ARHGEF10: variants seen among roughly 807,000 people sequenced by gnomAD.
ARHGEF10 encodes the protein Rho guanine nucleotide exchange factor 10, also known as Rho guanine nucleotide exchange factor (GEF) 10.
Under a neutral mutation model 147.4 loss-of-function variants are expected in ARHGEF10, and 140 were observed. The observed-to-expected ratio is 0.95, with a 90% CI of 0.83 to 1.09. The LOEUF is 1.09. ARHGEF10 is among the 50% of genes least tolerant of loss of function. The probability of loss-of-function intolerance (pLI) is 0.00; values close to 1 mark genes in which losing one functional copy is unlikely to be tolerated. For missense variants in ARHGEF10, 2,222 were observed against 1,752.7 expected (o/e 1.27, Z -4.78); for synonymous variants, 902 against 695.8 (o/e 1.30, Z -4.67).
At chr8:1,946,841 C>T (rs1339159064) in intron 27 of ARHGEF10, among the ~76,000 whole-genome samples, 1 of 152,164 alleles carries the variant, frequency 6.6e-6, no homozygotes, top group Non-Finnish European at 1.5e-5. Flanking sequence ...TCCGTGTCCC[C>T]GCCGCACTCC....
Position 1,894,383 on chromosome 8 carries a change from TTTG to T in ARHGEF10, c.1261-8_1261-6del. The T allele has an allele frequency of 6.2e-7, 1 of 1,614,020 alleles. No individual in the cohort carries two copies. On this transcript the variant is annotated splice_region_variant and splice_polypyrimidine_tract_variant and intron_variant, in intron 12 of 28. Coordinates refer to ENST00000349830, the MANE Select transcript of ARHGEF10 (RefSeq NM_014629.4). The stretch of plus-strand genomic sequence containing the variant: ...AAAAGTCTGAACTGTCTTTGCTCAT[TTTG>T]TCTTAGCAATATGAGAAGCCGCTGT...
rs764267052 is a variant in ARHGEF10, at chr8:1,957,146, G to C, written c.3918G>C (p.Ala1306=). 2 of 1,612,768 alleles carry C rather than the reference G, an allele frequency of 1.2e-6. No individual in the cohort carries two copies. The highest frequency in any genetic ancestry group is 1.7e-6 in the Non-Finnish European group (2 of 1,180,030). Residue 1306 remains alanine, a synonymous_variant, in exon 29 of 29, where the codon GCG becomes GCC. Coordinates refer to ENST00000349830, the MANE Select transcript of ARHGEF10 (RefSeq NM_014629.4). ...RRAKKAKASS[A]LVVCGGQGHR... Reference sequence around the variant, plus strand: ...CCAAGAAAGCCAAGGCCAGCTCGGCGCTGGTGGTCTGTGGAGGGCAGGGCC... The same window carrying C: ...CCAAGAAAGCCAAGGCCAGCTCGGCCCTGGTGGTCTGTGGAGGGCAGGGCC...
chr8:1,844,750 G>C (rs1021794297), intron 2 of ARHGEF10, among the ~76,000 whole-genome samples: 9 of 152,128 alleles, frequency 5.9e-5, no homozygotes, highest in African/African-American at 1.9e-4. Context: ...TGGCATTCAG[G>C]CTCTGCCAGA....
intron 17 of ARHGEF10, 45 bp from the exon 18 acceptor site, chr8:1,909,250 G>A: frequency 6.2e-7 from 1 of 1,613,152 alleles, no homozygotes. Flanking sequence ...ACCATAACGT[G>A]TTCATGTAAT....
In ARHGEF10 at chr8:1,899,153, C is replaced by T. The variant is rs935753370; in HGVS notation, c.1650+628C>T. 2.4e-4 allele frequency among the ~76,000 whole-genome samples: 36 copies of T among 152,142 alleles called. 1 individual carries two copies. The highest frequency in any genetic ancestry group is 7.4e-5 in the Non-Finnish European group (5 of 68,026). Reference sequence around the variant, plus strand: ...TGAGTGCTGACGTGACGTCTCACAGCGGACGGCCTCTAGGTCACGTCTGAT... The same window carrying T: ...TGAGTGCTGACGTGACGTCTCACAGTGGACGGCCTCTAGGTCACGTCTGAT... On this transcript the variant is annotated intron_variant, in intron 15 of 28. Transcript: ENST00000349830.
intron 3 of ARHGEF10, 90 bp from the exon 4 acceptor site, chr8:1,859,807 T>C (rs907894041): frequency 5.6e-5 from 84 of 1,488,772 alleles, no homozygotes; most frequent in Non-Finnish European, 7.1e-5. Context: ...TGGTGGGAGC[T>C]CATACCTGCT....
chr8:1,952,782 G>C lies in ARHGEF10; in HGVS notation c.3475G>C (p.Val1159Leu), dbSNP rs370742932. 6.2e-7 allele frequency: 1 copy of C among 1,613,652 alleles called. No individual in the cohort carries two copies. The highest frequency in any genetic ancestry group is 2.2e-5 in the East Asian group (1 of 44,882). The stretch of plus-strand genomic sequence containing the variant: ...GGTCGGCACCAGCCTGGGAGTCCTC[G>C]TGGCCCTGCCGGTCCCACGTCTGCA... ...LMVGTSLGVL[V>L]ALPVPRLQGI... Residue 1159 changes from valine to leucine, a missense_variant, in exon 28 of 29, where the codon GTG becomes CTG. Coordinates refer to ENST00000349830, the MANE Select transcript of ARHGEF10 (RefSeq NM_014629.4).
At chr8:1,844,174 T>C (rs1804325065) in intron 2 of ARHGEF10, among the ~76,000 whole-genome samples, 1 of 151,974 alleles carries the variant, frequency 6.6e-6, no homozygotes, top group Admixed American at 6.6e-5. Flanking sequence ...GAATTAACTG[T>C]GTGGGCTCCA....
intron 26 of ARHGEF10, among the ~76,000 whole-genome samples, chr8:1,936,205 G>A (rs980803622): frequency 6.6e-6 from 1 of 152,068 alleles, no homozygotes; most frequent in African/African-American, 2.4e-5. Flanking sequence ...CAATAAAATG[G>A]ACCAACTCAT....
At chr8:1,880,354 AC>A (rs776541291) in intron 9 of ARHGEF10, among the ~76,000 whole-genome samples, 190 bp downstream of exon 9, 1 of 152,186 alleles carries the variant, frequency 6.6e-6, no homozygotes, top group Admixed American at 6.5e-5. Context: ...TCTCCCTCTT[AC>A]GGGGAACCCA....
At chr8:1,900,256 G>A (rs867467270) in intron 15 of ARHGEF10, among the ~76,000 whole-genome samples, 5 of 152,132 alleles carry the variant, frequency 3.3e-5, no homozygotes, top group African/African-American at 9.7e-5. Flanking sequence ...TGCTGGAAAC[G>A]GAACAGGACA....
rs561629088 is a variant in ARHGEF10 at position 1,896,418 on chromosome 8, C to T, written c.1526C>T (p.Ala509Val). The T allele has an allele frequency of 3.1e-6, 5 of 1,613,874 alleles. No individual in the cohort carries two copies. Among genetic ancestry groups the T allele is most frequent in the East Asian group, 2.2e-5 (1 of 44,878 alleles). ...TAVAVLKKTC[A>V]TKPAFLEFLK... ...GTGGCAGTCCTCAAGAAAACATGTG[C>T]CACAAAGCCCGCTTTTCTTGAATTT... The change falls in exon 14 of 29, where the codon GCC (alanine) becomes GTC (valine). Residue 509 changes from alanine to valine, a missense_variant. Coordinates refer to ENST00000349830, the MANE Select transcript of ARHGEF10 (RefSeq NM_014629.4).
At chr8:1,942,043 G>T (rs1362438888) in intron 26 of ARHGEF10, among the ~76,000 whole-genome samples, 1 of 152,056 alleles carries the variant, frequency 6.6e-6, no homozygotes. Flanking sequence ...AAATCCTCAT[G>T]ATTTTGGACT....
At chr8:1,836,269 C>T (rs2063045861) in intron 1 of ARHGEF10, among the ~76,000 whole-genome samples, 1 of 152,214 alleles carries the variant, frequency 6.6e-6, no homozygotes, top group Non-Finnish European at 1.5e-5. Flanking sequence ...TGACAGCAAT[C>T]ATGAAACAAA....
intron 18 of ARHGEF10, among the ~76,000 whole-genome samples, chr8:1,913,394 T>C (rs1013839573): frequency 6.6e-6 from 1 of 152,198 alleles, no homozygotes; most frequent in African/African-American, 2.4e-5. Flanking sequence ...ACAACTTGAA[T>C]CTACTTGAAA....
At chr8:1,845,854 T>C (rs1351593097) in intron 2 of ARHGEF10, among the ~76,000 whole-genome samples, 1 of 152,186 alleles carries the variant, frequency 6.6e-6, no homozygotes, top group African/African-American at 2.4e-5. Flanking sequence ...ATGTGGCCTC[T>C]GATGGAGGCA....
chr8:1,874,483 T>C (rs1294787861), intron 7 of ARHGEF10, among the ~76,000 whole-genome samples: 11 of 152,252 alleles, frequency 7.2e-5, no homozygotes, highest in Non-Finnish European at 1.5e-4. Flanking sequence ...GTGAAAACCA[T>C]GTCTGTGTAG....
chr8:1,918,819 T>G (rs1003225072), intron 18 of ARHGEF10, among the ~76,000 whole-genome samples: 8 of 152,152 alleles, frequency 5.3e-5, no homozygotes, highest in Non-Finnish European at 1.2e-4. Flanking sequence ...GCTGCCTCTG[T>G]GGGTGATGGA....
intron 26 of ARHGEF10, among the ~76,000 whole-genome samples, chr8:1,942,766 G>A (rs1814212355): frequency 1.3e-5 from 2 of 152,160 alleles, no homozygotes; most frequent in African/African-American, 2.4e-5. Context: ...AGAAAGGAGT[G>A]AAGCCCCAAC....
Sources: gnomAD v4.1 joint callset for allele counts (sites outside exome capture counted in the v4.1 genomes callset) on GRCh38, gnomAD v4.1.1 for gene constraint, MANE v1.5 for transcripts, NCBI Gene and HGNC (gene_info 2026-07-23, HGNC 2026-07-21) for gene names.